CDH12: variants seen among roughly 807,000 people sequenced by gnomAD.
CDH12 encodes the protein cadherin-12.
Under a neutral mutation model 74.1 loss-of-function variants are expected in CDH12, and 41 were observed. The observed-to-expected ratio is 0.55, with a 90% CI of 0.43 to 0.72. The LOEUF is 0.72. Among genes scored for constraint, CDH12 ranks in the 30% least tolerant of loss-of-function variants. CDH12 has a pLI of 0.00. For synonymous variants in CDH12, 399 were observed against 355.0 expected (o/e 1.12, Z -1.39); for missense variants, 945 against 977.2 (o/e 0.97, Z 0.44).
intron 4 of CDH12, among the ~76,000 whole-genome samples, chr5:22,115,746 C>A (rs1021033125): frequency 7.5e-6 from 1 of 134,016 alleles, no homozygotes; most frequent in Admixed American, 8.8e-5. Context: ...GGCTGGAATG[C>A]AGCGGTACAA....
intron 11 of CDH12, among the ~76,000 whole-genome samples, chr5:21,765,894 A>G (rs1347637369): frequency 6.6e-6 from 1 of 152,054 alleles, no homozygotes; most frequent in Non-Finnish European, 1.5e-5. Context: ...TGCAATATAT[A>G]ATTTTACCTT....
At chr5:21,987,106 T>C (rs1156934630) in intron 5 of CDH12, among the ~76,000 whole-genome samples, 1 of 152,168 alleles carries the variant, frequency 6.6e-6, no homozygotes, top group Admixed American at 6.5e-5. Context: ...GTCTTTATTA[T>C]CATAGTCACT....
chr5:22,612,550 TTA>T (rs1366683670), intron 1 of CDH12, among the ~76,000 whole-genome samples: 1 of 152,104 alleles, frequency 6.6e-6, no homozygotes, highest in African/African-American at 2.4e-5. Context: ...TATCATCGAA[TTA>T]TGTTATTTGA....
At chr5:22,638,444 C>G (rs534810864) in intron 1 of CDH12, among the ~76,000 whole-genome samples, 48 of 152,236 alleles carry the variant, frequency 3.2e-4, no homozygotes, top group Non-Finnish European at 6.3e-4. Flanking sequence ...AAGATGGAGG[C>G]TGGAAGAGTC....
At chr5:22,148,843 G>A (rs867725504) in intron 4 of CDH12, among the ~76,000 whole-genome samples, 3 of 152,140 alleles carry the variant, frequency 2.0e-5, no homozygotes, top group Non-Finnish European at 4.4e-5. Flanking sequence ...ACCACTGGCT[G>A]GGCATGGTGG....
At chr5:22,367,994 A>G (rs1167529262) in intron 3 of CDH12, among the ~76,000 whole-genome samples, 2 of 152,212 alleles carry the variant, frequency 1.3e-5, no homozygotes, top group African/African-American at 4.8e-5. Context: ...CACCAGAAAT[A>G]CGAAGTAAAT....
At chr5:22,379,367 C>A (rs774831281) in intron 3 of CDH12, among the ~76,000 whole-genome samples, 2 of 152,086 alleles carry the variant, frequency 1.3e-5, no homozygotes, top group Non-Finnish European at 2.9e-5. Context: ...ACCTAGAAAA[C>A]AAATGATAGT....
intron 1 of CDH12, among the ~76,000 whole-genome samples, chr5:22,734,381 G>A (rs776044121): frequency 2.0e-5 from 3 of 151,768 alleles, no homozygotes; most frequent in Non-Finnish European, 4.4e-5. Context: ...AAAAATTATG[G>A]CTATCCCTCA....
intron 1 of CDH12, among the ~76,000 whole-genome samples, chr5:22,517,295 CTTAT>C (rs1267668686): frequency 1.3e-5 from 2 of 151,816 alleles, no homozygotes; most frequent in African/African-American, 2.4e-5. Flanking sequence ...ATTTTCAATA[CTTAT>C]TTAATTAATA....
At chr5:22,266,663 A>G (rs1336014200) in intron 3 of CDH12, among the ~76,000 whole-genome samples, 2 of 152,104 alleles carry the variant, frequency 1.3e-5, no homozygotes, top group Admixed American at 1.3e-4. Context: ...AAATGAACAT[A>G]TATTTGGATT....
At chr5:22,774,433 C>T (rs541988292) in intron 1 of CDH12, among the ~76,000 whole-genome samples, 10 of 152,130 alleles carry the variant, frequency 6.6e-5, no homozygotes, top group Admixed American at 3.9e-4. Context: ...TGGGTACACA[C>T]GTGACATGGT....
At chr5:22,794,091 G>C (rs547574078) in intron 1 of CDH12, among the ~76,000 whole-genome samples, 1 of 152,054 alleles carries the variant, frequency 6.6e-6, no homozygotes, top group Non-Finnish European at 1.5e-5. Context: ...CCCCACATCT[G>C]GCTTGCCATG....
At chr5:21,925,820 A>C (rs2150076075) in intron 6 of CDH12, among the ~76,000 whole-genome samples, 1 of 152,260 alleles carries the variant, frequency 6.6e-6, no homozygotes, top group East Asian at 1.9e-4. Context: ...ATGCCTCATA[A>C]CAGTGGGCAA....
At chr5:22,673,836 A>G (rs1210575463) in intron 1 of CDH12, among the ~76,000 whole-genome samples, 1 of 152,248 alleles carries the variant, frequency 6.6e-6, no homozygotes, top group Non-Finnish European at 1.5e-5. Flanking sequence ...GAAACTGATG[A>G]CAAAAAGGTC....
At chr5:22,614,253 T>G (rs746018338) in intron 1 of CDH12, among the ~76,000 whole-genome samples, 1 of 152,108 alleles carries the variant, frequency 6.6e-6, no homozygotes, top group Non-Finnish European at 1.5e-5. Context: ...CAACACATCC[T>G]GCCTTCTGAG....
chr5:22,669,880 A>G (rs1740817055), intron 1 of CDH12, among the ~76,000 whole-genome samples: 1 of 150,068 alleles, frequency 6.7e-6, no homozygotes, highest in South Asian at 2.1e-4. Context: ...ATGCTATGGC[A>G]CAGAAATAGG....
At chr5:22,688,088 A>T (rs1006630173) in intron 1 of CDH12, among the ~76,000 whole-genome samples, 2 of 152,064 alleles carry the variant, frequency 1.3e-5, no homozygotes, top group Non-Finnish European at 2.9e-5. Context: ...CAGCTGTGTG[A>T]CTGACAGGAC....
At chr5:22,181,221 A>G (rs1749627437) in intron 4 of CDH12, among the ~76,000 whole-genome samples, 1 of 152,160 alleles carries the variant, frequency 6.6e-6, no homozygotes, top group Admixed American at 6.5e-5. Flanking sequence ...TGATAGGGTC[A>G]CGTATAAAGT....
chr5:22,742,940 C>A (rs1745101689), intron 1 of CDH12, among the ~76,000 whole-genome samples: 1 of 151,754 alleles, frequency 6.6e-6, no homozygotes, highest in Admixed American at 6.6e-5. Flanking sequence ...AATGGAAAGA[C>A]TGGGTGAGCA....
Sources: gnomAD v4.1 joint callset for allele counts (sites outside exome capture counted in the v4.1 genomes callset) on GRCh38, gnomAD v4.1.1 for gene constraint, MANE v1.5 for transcripts, NCBI Gene and HGNC (gene_info 2026-07-23, HGNC 2026-07-21) for gene names.